Variants in PLXDC2 observed in about 807,000 individuals in gnomAD.
The protein encoded by PLXDC2 is plexin domain containing 2.
Under a neutral mutation model 68.9 loss-of-function variants are expected in PLXDC2, and 40 were observed. The observed-to-expected ratio is 0.58, with a 90% CI of 0.45 to 0.76. The LOEUF is 0.76. Ranked by LOEUF, PLXDC2 falls within the 30% of genes least tolerant of loss-of-function variation. The pLI is 0.00. For missense variants in PLXDC2, 644 were observed against 661.9 expected (o/e 0.97, Z 0.30); for synonymous variants, 243 against 234.2 (o/e 1.04, Z -0.34).
At chr10:19,905,539 T>G (rs1054425183) in intron 1 of PLXDC2, among the ~76,000 whole-genome samples, 7 of 152,164 alleles carry the variant, frequency 4.6e-5, no homozygotes, top group Non-Finnish European at 1.0e-4. Context: ...TAAAAATCAA[T>G]GGAGTGTGGG....
At chr10:20,126,180 T>C (rs1248846759) in intron 4 of PLXDC2, among the ~76,000 whole-genome samples, 1 of 146,626 alleles carries the variant, frequency 6.8e-6, no homozygotes, top group African/African-American at 2.5e-5. Flanking sequence ...TACATATATG[T>C]TATATAATAC....
chr10:20,105,159 G>A (rs190455109), intron 4 of PLXDC2, among the ~76,000 whole-genome samples: 13 of 151,170 alleles, frequency 8.6e-5, no homozygotes, highest in Admixed American at 7.9e-4. Flanking sequence ...TGATGCTTAT[G>A]TTTCCTTGAG....
At chr10:19,862,557 GT>G (rs2131336074) in intron 1 of PLXDC2, among the ~76,000 whole-genome samples, 1 of 152,236 alleles carries the variant, frequency 6.6e-6, no homozygotes, top group African/African-American at 2.4e-5. Context: ...CTTAATTTGT[GT>G]TTTCTTCAAG....
At chr10:19,877,143 T>C (rs1331536958) in intron 1 of PLXDC2, among the ~76,000 whole-genome samples, 1 of 152,098 alleles carries the variant, frequency 6.6e-6, no homozygotes, top group Non-Finnish European at 1.5e-5. Context: ...AGCTATTTAT[T>C]TTTTAGATCA....
intron 2 of PLXDC2, among the ~76,000 whole-genome samples, chr10:20,009,460 G>A (rs146230998): frequency 1.1e-4 from 16 of 152,116 alleles, no homozygotes; most frequent in African/African-American, 3.1e-4. Flanking sequence ...ATTGTGCAAA[G>A]GGAAGGCAAA....
At chr10:19,915,903 G>A (rs185355472) in intron 1 of PLXDC2, among the ~76,000 whole-genome samples, 37 of 152,012 alleles carry the variant, frequency 2.4e-4, no homozygotes, top group Non-Finnish European at 4.9e-4. Flanking sequence ...AGCTGCTGTA[G>A]CCTCTGCAAC....
chr10:20,210,549 C>T (rs1835055555), intron 9 of PLXDC2, among the ~76,000 whole-genome samples: 1 of 152,144 alleles, frequency 6.6e-6, no homozygotes, highest in African/African-American at 2.4e-5. Context: ...GTCTAATTAA[C>T]ACAATGCTTG....
intron 13 of PLXDC2, among the ~76,000 whole-genome samples, chr10:20,275,057 A>T (rs1023746386): frequency 1.3e-5 from 2 of 152,178 alleles, no homozygotes; most frequent in African/African-American, 4.8e-5. Flanking sequence ...ATTTCAAAGA[A>T]TGAAATAGAG....
At chr10:20,128,133 A>G (rs967645307) in intron 4 of PLXDC2, among the ~76,000 whole-genome samples, 5 of 152,202 alleles carry the variant, frequency 3.3e-5, no homozygotes, top group Non-Finnish European at 7.3e-5. Context: ...GGTGGATTCA[A>G]GACAGACGCT....
intron 4 of PLXDC2, among the ~76,000 whole-genome samples, chr10:20,121,130 A>C (rs1477775055): frequency 2.0e-5 from 3 of 152,210 alleles, no homozygotes; most frequent in Non-Finnish European, 2.9e-5. Flanking sequence ...GGGAGCAGAA[A>C]GTATATGTGT....
chr10:20,160,700 T>C (rs1341945899), intron 6 of PLXDC2, among the ~76,000 whole-genome samples: 3 of 152,128 alleles, frequency 2.0e-5, no homozygotes, highest in Non-Finnish European at 4.4e-5. Flanking sequence ...ATATTGGGCT[T>C]AGTTTTTGAA....
At position 19,933,353 on chromosome 10, in the gene PLXDC2, C is replaced by T. The variant is rs566264257; in HGVS notation, c.113-68422C>T. On this transcript the variant is annotated intron_variant, in intron 1 of 13. Transcript: ENST00000377252. ...ATCACCAATTAGAGCAGTTAAAACA[C>T]ATATACACATGGTGGCTCATGCCTG... Among the ~76,000 whole-genome samples, 20 of 152,228 alleles carry T rather than the reference C, an allele frequency of 1.3e-4. No homozygotes were observed. In the South Asian group the frequency reaches 1.9e-3, roughly 14 times the overall value.
intron 4 of PLXDC2, among the ~76,000 whole-genome samples, chr10:20,090,332 A>G (rs1833259510): frequency 6.6e-6 from 1 of 152,186 alleles, no homozygotes; most frequent in South Asian, 2.1e-4. Flanking sequence ...CCTTATGTTC[A>G]CCAGCAACAT....
intron 12 of PLXDC2, among the ~76,000 whole-genome samples, chr10:20,224,906 A>G (rs1003169587): frequency 2.0e-5 from 3 of 152,144 alleles, no homozygotes; most frequent in Non-Finnish European, 4.4e-5. Context: ...CATTTTTATC[A>G]TTTCTTCTTA....
Position 19,857,206 on chromosome 10 carries a change from G to A in PLXDC2, c.112+40015G>A, listed in dbSNP as rs554624609. 1.4e-4 allele frequency among the ~76,000 whole-genome samples: 21 copies of A among 152,226 alleles called. No individual in the cohort carries two copies. In the South Asian group the frequency reaches 2.7e-3, roughly 20 times the overall value. The stretch of plus-strand genomic sequence containing the variant: ...AGCTAGTCAAGACCCTCACTAAATA[G>A]GAAGTCATTTTATTATTTATTTCAG... On this transcript the variant is annotated intron_variant, in intron 1 of 13. Transcript: ENST00000377252.
intron 4 of PLXDC2, among the ~76,000 whole-genome samples, chr10:20,103,903 A>G (rs1487605293): frequency 6.6e-6 from 1 of 152,190 alleles, no homozygotes; most frequent in East Asian, 1.9e-4. Flanking sequence ...TTGGCCGCCC[A>G]AAGTGCTAGG....
At chr10:19,974,973 A>G (rs915810744) in intron 1 of PLXDC2, among the ~76,000 whole-genome samples, 1 of 152,222 alleles carries the variant, frequency 6.6e-6, no homozygotes, top group Non-Finnish European at 1.5e-5. Context: ...TTCCATTTTC[A>G]TAAAAATCAT....
intron 6 of PLXDC2, among the ~76,000 whole-genome samples, chr10:20,155,010 G>A: frequency 6.6e-6 from 1 of 151,992 alleles, no homozygotes; most frequent in East Asian, 1.9e-4. Context: ...CAATATAGAG[G>A]AACTTTACTG....
chr10:20,236,308 G>C (rs1835431519), intron 12 of PLXDC2, among the ~76,000 whole-genome samples: 1 of 151,920 alleles, frequency 6.6e-6, no homozygotes, highest in African/African-American at 2.4e-5. Context: ...AGCCAGGAAT[G>C]GTGGTGTGTG....
Sources: allele counts gnomAD v4.1 joint callset (sites outside exome capture counted in the v4.1 genomes callset), GRCh38; gene constraint gnomAD v4.1.1; transcripts MANE v1.5; gene names NCBI Gene and HGNC (gene_info 2026-07-23, HGNC 2026-07-21).